The following UBE2K variants were observed in gnomAD, a reference collection of about 807,000 sequenced individuals.
UBE2K encodes the protein ubiquitin conjugating enzyme E2 K.
A neutral mutation model predicts 30.0 loss-of-function variants in UBE2K; 6 were observed. The observed-to-expected ratio is 0.20, with a 90% CI of 0.11 to 0.39. The LOEUF is 0.39. Among genes scored for constraint, UBE2K ranks in the 10% least tolerant of loss-of-function variants. UBE2K has a pLI of 1.00. For synonymous variants in UBE2K, 86 were observed against 83.7 expected (o/e 1.03, Z -0.15); for missense variants, 61 against 241.6 (o/e 0.25, Z 4.96).
chr4:39,763,334 C>T (rs56993760), intron 4 of UBE2K, among the ~76,000 whole-genome samples: 368 of 152,022 alleles, frequency 2.4e-3, no homozygotes, highest in African/African-American at 8.4e-3. Context: ...TCACTGCAAC[C>T]TCCACCTCCC....
intron 1 of UBE2K, among the ~76,000 whole-genome samples, chr4:39,705,007 A>G (rs2109304359): frequency 6.7e-6 from 1 of 149,476 alleles, no homozygotes; most frequent in East Asian, 2.0e-4. Context: ...AGTAGCTGGG[A>G]TTACAGGCAT....
chr4:39,760,446 C>T (rs411556), intron 4 of UBE2K, among the ~76,000 whole-genome samples: 126,005 of 152,080 alleles, frequency 0.83, 52,685 homozygotes, highest in African/African-American at 0.94. Flanking sequence ...TGATCACACA[C>T]TGGAGCACTA....
At chr4:39,744,821 G>A (rs567025903) in intron 2 of UBE2K, among the ~76,000 whole-genome samples, 31 of 151,388 alleles carry the variant, frequency 2.0e-4, no homozygotes, top group African/African-American at 7.5e-4. Flanking sequence ...GCAGGAGAAT[G>A]GCGTGAACCC....
chr4:39,716,326 C>T (rs1719057340), intron 1 of UBE2K, among the ~76,000 whole-genome samples: 1 of 152,182 alleles, frequency 6.6e-6, no homozygotes, highest in Non-Finnish European at 1.5e-5. Flanking sequence ...GCTCACGCCG[C>T]AGTCTTAACC....
In UBE2K at chr4:39,741,965, G is replaced by C. The variant is rs1272423244; in HGVS notation, c.158-3787G>C. 2.0e-5 allele frequency among the ~76,000 whole-genome samples: 3 copies of C among 152,178 alleles called. No individual in the cohort carries two copies. In the East Asian group the frequency reaches 5.8e-4, roughly 29 times the overall value. The stretch of plus-strand genomic sequence containing the variant: ...AAGGATTCCTTAGTTGTATTACCCT[G>C]ATCAAATAATGCTATGATTAATGCT... On this transcript the variant is annotated intron_variant, in intron 2 of 6. Transcript: ENST00000261427.
At chr4:39,767,227 A>C (rs915571809) in intron 4 of UBE2K, among the ~76,000 whole-genome samples, 1 of 149,532 alleles carries the variant, frequency 6.7e-6, no homozygotes, top group Non-Finnish European at 1.5e-5. Flanking sequence ...ATTTTGAGTT[A>C]ATTTTTATAT....
chr4:39,701,545 C>G (rs537772610), intron 1 of UBE2K, among the ~76,000 whole-genome samples: 70 of 152,174 alleles, frequency 4.6e-4, no homozygotes, highest in African/African-American at 1.6e-3. Flanking sequence ...ATCACAGAGC[C>G]TGGGATTTGG....
intron 1 of UBE2K, among the ~76,000 whole-genome samples, chr4:39,730,360 C>T (rs1445999992): frequency 6.6e-6 from 1 of 151,682 alleles, no homozygotes; most frequent in Non-Finnish European, 1.5e-5. Context: ...GTTTTTTTTC[C>T]ACGCTGTAGA....
chr4:39,778,437 C>G lies in UBE2K; in HGVS notation c.*3C>G. The G allele has an allele frequency of 6.2e-7, 1 of 1,604,112 alleles. No homozygotes were observed. The highest frequency in any genetic ancestry group is 8.5e-7 in the Non-Finnish European group (1 of 1,172,096). On this transcript the variant is annotated 3_prime_UTR_variant, in exon 7 of 7. Transcript: ENST00000261427. ...CAGAATTGCTTCTGAGTAACTGAGG[C>G]ATAGAGAGCTGCTGATATAGTCAAG...
intron 1 of UBE2K, 125 bp downstream of exon 1, chr4:39,698,515 G>A: frequency 1.2e-6 from 1 of 835,752 alleles, no homozygotes; most frequent in Non-Finnish European, 2.0e-6. Context: ...CTGCCTGTGA[G>A]GAAGCAGCAG....
intron 4 of UBE2K, among the ~76,000 whole-genome samples, chr4:39,760,176 C>CAAA (rs71194913): frequency 0.048 from 3,735 of 77,062 alleles, 388 homozygotes; most frequent in East Asian, 0.079. Flanking sequence ...GACTCTGTCA[C>CAAA]AAAAAAAAAA....
intron 1 of UBE2K, among the ~76,000 whole-genome samples, chr4:39,704,931 C>T (rs565509627): frequency 4.6e-4 from 67 of 146,536 alleles, no homozygotes; most frequent in African/African-American, 1.2e-3. Context: ...GAGTGCAATG[C>T]GCCATCTCGG....
chr4:39,770,379 C>T, intron 4 of UBE2K: 2 of 1,613,372 alleles, frequency 1.2e-6, no homozygotes, highest in Non-Finnish European at 1.7e-6. Context: ...ACAGCGAGGG[C>T]ACATGAAGAT....
intron 1 of UBE2K, among the ~76,000 whole-genome samples, chr4:39,724,640 A>T (rs1423790861): frequency 6.7e-6 from 1 of 149,800 alleles, no homozygotes; most frequent in East Asian, 2.0e-4. Flanking sequence ...TGGTAAGTGC[A>T]TGCCTGTAGG....
At chr4:39,717,285 G>A (rs1260119802) in intron 1 of UBE2K, among the ~76,000 whole-genome samples, 1 of 149,808 alleles carries the variant, frequency 6.7e-6, no homozygotes, top group East Asian at 2.0e-4. Context: ...CCAGGCTGGA[G>A]TGCAGTGGCA....
intron 1 of UBE2K, among the ~76,000 whole-genome samples, chr4:39,719,844 C>T (rs1326800076): frequency 6.6e-6 from 1 of 152,172 alleles, no homozygotes; most frequent in Non-Finnish European, 1.5e-5. Flanking sequence ...ATTAGACATT[C>T]AGTTATTTCC....
Position 39,779,888 on chromosome 4 carries a change from A to C in UBE2K, c.*1454A>C, listed in dbSNP as rs181633173. 4 of 152,280 alleles carry C rather than the reference A, an allele frequency of 2.6e-5. No homozygotes were observed. Among genetic ancestry groups the C allele is most frequent in the Non-Finnish European group, 4.4e-5 (3 of 67,998 alleles). 9.4% of individuals were successfully genotyped at this position (152,280 alleles called of 1,614,324 possible). A position where few individuals can be genotyped will look rare whatever the true frequency, so the allele number is the denominator to read the frequency against. On this transcript the variant is annotated 3_prime_UTR_variant, in exon 7 of 7. Coordinates refer to ENST00000261427, the MANE Select transcript of UBE2K (RefSeq NM_005339.5). ...TTAAGTGTTATTTATCTTAAATTAT[A>C]ATCGTTAAATGTTTGGAAGATAATT...
At chr4:39,741,034 A>G (rs1168867856) in intron 2 of UBE2K, among the ~76,000 whole-genome samples, 2 of 151,906 alleles carry the variant, frequency 1.3e-5, no homozygotes, top group African/African-American at 4.8e-5. Context: ...GCACTTTGGG[A>G]GGCTGAAGCA....
At chr4:39,763,101 C>T (rs866625522) in intron 4 of UBE2K, among the ~76,000 whole-genome samples, 3 of 150,600 alleles carry the variant, frequency 2.0e-5, no homozygotes, top group African/African-American at 7.3e-5. Flanking sequence ...TGCCACCATG[C>T]CCAGCTAATA....
Sources: allele counts gnomAD v4.1 joint callset (sites outside exome capture counted in the v4.1 genomes callset), GRCh38; gene constraint gnomAD v4.1.1; transcripts MANE v1.5; gene names NCBI Gene and HGNC (gene_info 2026-07-23, HGNC 2026-07-21).